Variants in WDPCP observed in about 807,000 individuals in gnomAD.
WDPCP encodes WD repeat-containing and planar cell polarity effector protein fritz homolog.
A neutral mutation model predicts 93.1 loss-of-function variants in WDPCP; 71 were observed. That is an observed-to-expected ratio of 0.76 (90% CI 0.63 to 0.93). WDPCP has a LOEUF of 0.93. Among genes scored for constraint, WDPCP ranks in the 40% least tolerant of loss-of-function variants. The pLI is 0.00. For missense variants in WDPCP, 844 were observed against 887.4 expected (o/e 0.95, Z 0.62); for synonymous variants, 315 against 315.0 (o/e 1.00, Z 0.00).
At chr2:63,311,889 T>C (rs1447751476) in intron 13 of WDPCP, among the ~76,000 whole-genome samples, 1 of 152,122 alleles carries the variant, frequency 6.6e-6, no homozygotes, top group East Asian at 1.9e-4. Flanking sequence ...AGTTCTTATC[T>C]TGGCTAGAAA....
At chr2:63,622,176 T>C in intron 3 of WDPCP, 1 of 1,588,882 alleles carries the variant, frequency 6.3e-7, no homozygotes, top group Admixed American at 1.8e-5. Flanking sequence ...GTGGGCTGGC[T>C]ACACAAACTG....
At chr2:63,314,095 T>C (rs1488982972) in intron 12 of WDPCP, among the ~76,000 whole-genome samples, 1 of 150,876 alleles carries the variant, frequency 6.6e-6, no homozygotes, top group African/African-American at 2.4e-5. Context: ...GCCAGGATGG[T>C]CTTGATCTCT....
upstream of WDPCP, among the ~76,000 whole-genome samples, chr2:63,832,177 C>A (rs566708357): frequency 6.6e-6 from 1 of 152,198 alleles, no homozygotes; most frequent in African/African-American, 2.4e-5. Context: ...TGGGCTACAA[C>A]GCATCTGGCA....
intron 13 of WDPCP, among the ~76,000 whole-genome samples, chr2:63,280,857 C>A (rs565785478): frequency 2.6e-4 from 39 of 152,188 alleles, no homozygotes; most frequent in African/African-American, 9.2e-4. Flanking sequence ...AAATCTAAGA[C>A]CTGAAACTAT....
chr2:63,446,743 C>T (rs1008737622), intron 6 of WDPCP, among the ~76,000 whole-genome samples: 11 of 152,138 alleles, frequency 7.2e-5, no homozygotes, highest in African/African-American at 2.7e-4. Context: ...TGCTACTTTT[C>T]AAGATTGAAA....
chr2:63,191,936 T>C, intron 14 of WDPCP, among the ~76,000 whole-genome samples: 1 of 152,214 alleles, frequency 6.6e-6, no homozygotes, highest in East Asian at 1.9e-4. Context: ...TTTTGTACTA[T>C]AGTGTCGGAG....
Position 63,404,521 on chromosome 2 carries a change from C to T in WDPCP, c.962G>A (p.Cys321Tyr). ...EPMADSCIYE[C>Y]IRNKIQCVSV... ...CACACACTGGATTTTATTCCGAATG[C>T]ATTCATAGATGCAGCTGTCAGCCAT... The change falls in exon 10 of 18, where the codon TGC becomes TAC. Residue 321 changes from cysteine (C) to tyrosine (Y), a missense_variant. Cys to Tyr is a radical substitution (Grantham distance 194). Transcript: ENST00000272321. 6.2e-7 allele frequency: 1 copy of T among 1,613,676 alleles called. No homozygotes were observed. Among genetic ancestry groups the T allele is most frequent in the Non-Finnish European group, 8.5e-7 (1 of 1,179,678 alleles).
chr2:63,794,571 C>T (rs1424467139), intron 2 of WDPCP, among the ~76,000 whole-genome samples: 2 of 152,172 alleles, frequency 1.3e-5, no homozygotes, highest in Non-Finnish European at 2.9e-5. Context: ...CATCCTATGA[C>T]CACTAGGAAA....
intron 2 of WDPCP, among the ~76,000 whole-genome samples, chr2:63,662,982 G>A (rs1558878514): frequency 6.6e-6 from 1 of 152,160 alleles, no homozygotes; most frequent in South Asian, 2.1e-4. Flanking sequence ...CCATGCCACT[G>A]TTGTTGAGAG....
chr2:63,313,886 A>ATATATATATATATAT, intron 12 of WDPCP, among the ~76,000 whole-genome samples: 6 of 74,496 alleles, frequency 8.1e-5, no homozygotes, highest in Non-Finnish European at 1.6e-4. Flanking sequence ...ATATATATAT[A>ATATATATATATATAT]TTTTTTTTTT....
At chr2:63,359,611 T>C (rs1690286051) in intron 12 of WDPCP, among the ~76,000 whole-genome samples, 1 of 152,170 alleles carries the variant, frequency 6.6e-6, no homozygotes, top group Admixed American at 6.5e-5. Context: ...GAACTAACCA[T>C]ACATGGCCTA....
chr2:63,226,168 A>T (rs1025030001), intron 14 of WDPCP, among the ~76,000 whole-genome samples: 1 of 151,884 alleles, frequency 6.6e-6, no homozygotes, highest in Non-Finnish European at 1.5e-5. Context: ...TTAGAAAAAT[A>T]AAGGTAGATG....
At chr2:63,470,123 C>T (rs1457542473) in intron 6 of WDPCP, among the ~76,000 whole-genome samples, 2 of 152,192 alleles carry the variant, frequency 1.3e-5, no homozygotes, top group Admixed American at 6.5e-5. Context: ...TCTCTCTAAT[C>T]TTAAAATGTT....
chr2:63,328,823 C>T (rs1359643570), intron 12 of WDPCP, among the ~76,000 whole-genome samples: 1 of 152,184 alleles, frequency 6.6e-6, no homozygotes, highest in African/African-American at 2.4e-5. Context: ...AACTCCTGGG[C>T]TCAGGTGATT....
chr2:63,403,132 CG>C (rs536255937), intron 10 of WDPCP, among the ~76,000 whole-genome samples: 13 of 152,038 alleles, frequency 8.6e-5, no homozygotes, highest in African/African-American at 1.4e-4. Context: ...GGAACTTGGA[CG>C]GAGCTGAACG....
At chr2:63,338,620 A>G (rs1207391201) in intron 12 of WDPCP, among the ~76,000 whole-genome samples, 2 of 133,484 alleles carry the variant, frequency 1.5e-5, no homozygotes, top group Admixed American at 1.5e-4. Flanking sequence ...ATATATATGG[A>G]TAATTAGAAA....
chr2:63,147,192 A>G (rs1423775126), intron 17 of WDPCP, among the ~76,000 whole-genome samples: 3 of 152,080 alleles, frequency 2.0e-5, no homozygotes, highest in African/African-American at 4.8e-5. Context: ...ACTTTATCCT[A>G]TGGGGTTTTA....
intron 1 of WDPCP, among the ~76,000 whole-genome samples, chr2:63,514,211 T>C (rs1372109204): frequency 2.0e-5 from 3 of 152,148 alleles, no homozygotes. Flanking sequence ...ATGAGCCTTG[T>C]AGAACTCTTT....
chr2:63,621,105 C>A (rs952756342), intron 3 of WDPCP, among the ~76,000 whole-genome samples: 1 of 151,896 alleles, frequency 6.6e-6, no homozygotes, highest in Non-Finnish European at 1.5e-5. Flanking sequence ...ACCAGAACAC[C>A]CCTTTTCTTC....
Sources: gnomAD v4.1 joint callset for allele counts (sites outside exome capture counted in the v4.1 genomes callset) on GRCh38, gnomAD v4.1.1 for gene constraint, MANE v1.5 for transcripts, NCBI Gene and HGNC (gene_info 2026-07-23, HGNC 2026-07-21) for gene names.